The following KMT2C variants were observed in gnomAD, a reference collection of about 807,000 sequenced individuals.
KMT2C encodes lysine methyltransferase 2C, also known as histone-lysine N-methyltransferase 2C.
KMT2C carries 88 observed loss-of-function variants against 507.9 expected under a neutral mutation model. The observed-to-expected ratio is 0.17, with a 90% CI of 0.15 to 0.21. KMT2C has a LOEUF of 0.21. KMT2C is among the 10% of genes least tolerant of loss of function. The probability of loss-of-function intolerance (pLI) is 1.00; values close to 1 mark genes in which losing one functional copy is unlikely to be tolerated. For synonymous variants in KMT2C, 2,049 were observed against 2,080.8 expected (o/e 0.98, Z 0.42); for missense variants, 4,954 against 5,957.8 (o/e 0.83, Z 5.55).
intron 14 of KMT2C, among the ~76,000 whole-genome samples, chr7:152,245,506 G>C (rs2095458014): frequency 6.6e-6 from 1 of 151,964 alleles, no homozygotes; most frequent in Non-Finnish European, 1.5e-5. Flanking sequence ...TTTTTAAAGT[G>C]TAACTACTTG....
At chr7:152,327,875 G>A (rs913674501) in intron 3 of KMT2C, among the ~76,000 whole-genome samples, 1 of 149,410 alleles carries the variant, frequency 6.7e-6, no homozygotes, top group African/African-American at 2.5e-5. Context: ...GAAGAATGGC[G>A]TGAACCCAGG....
chr7:152,421,134 T>C (rs971847517), intron 1 of KMT2C, among the ~76,000 whole-genome samples: 3 of 151,680 alleles, frequency 2.0e-5, no homozygotes, highest in African/African-American at 7.3e-5. Flanking sequence ...AACAAGCATA[T>C]GAAAAAATGC....
chr7:152,386,953 T>C (rs1328389318), intron 1 of KMT2C, among the ~76,000 whole-genome samples: 1 of 152,184 alleles, frequency 6.6e-6, no homozygotes, highest in Non-Finnish European at 1.5e-5. Context: ...TTAGAGTAGA[T>C]ACATTTTATA....
intron 6 of KMT2C, among the ~76,000 whole-genome samples, chr7:152,298,554 C>T (rs1240095190): frequency 6.6e-6 from 1 of 151,998 alleles, no homozygotes; most frequent in African/African-American, 2.4e-5. Context: ...AAATATCTTT[C>T]AAAAATGAAG....
chr7:152,202,994 T>G lies in KMT2C; in HGVS notation c.4032A>C (p.Ile1344=), dbSNP rs376861986. The G allele has an allele frequency of 6.2e-7, 1 of 1,610,912 alleles. No individual in the cohort carries two copies. The highest frequency in any genetic ancestry group is 8.5e-7 in the Non-Finnish European group (1 of 1,177,748). The change falls in exon 26 of 59, where the codon ATA becomes ATC. Residue 1344 remains isoleucine, a synonymous_variant. Coordinates refer to ENST00000262189, the MANE Select transcript of KMT2C (RefSeq NM_170606.3). ...SVSVTESTEK[I]KKRYRKRKNK... is the part of the protein sequence containing the mutation. The stretch of plus-strand genomic sequence containing the variant: ...TTTTCCTTTTTCGGTATCTCTTCTT[T>G]ATTTTTTCAGTGCTTTCAGTAACAG...
chr7:152,203,393 T>A (rs2094203808), intron 25 of KMT2C, among the ~76,000 whole-genome samples: 1 of 152,004 alleles, frequency 6.6e-6, no homozygotes, highest in Non-Finnish European at 1.5e-5. Context: ...AAATGGCAAC[T>A]TATAAACTAT....
chr7:152,366,904 C>A, intron 1 of KMT2C: 1 of 426,130 alleles, frequency 2.3e-6, no homozygotes, highest in East Asian at 5.4e-5. Flanking sequence ...CGCGAGCTGG[C>A]GCTGCGAGCC....
At chr7:152,145,398 C>T (rs1587656753) in intron 53 of KMT2C, 103 bp from the exon 54 acceptor site, 2 of 1,123,802 alleles carry the variant, frequency 1.8e-6, no homozygotes, top group Non-Finnish European at 2.6e-6. Flanking sequence ...AACTCATCAG[C>T]GTTTTCCCCG....
At chr7:152,378,019 C>T (rs1423650932) in intron 1 of KMT2C, among the ~76,000 whole-genome samples, 1 of 152,118 alleles carries the variant, frequency 6.6e-6, no homozygotes, top group Non-Finnish European at 1.5e-5. Flanking sequence ...TTGCTGCAAT[C>T]TCATGATAAA....
At chr7:152,147,948 CA>C in intron 52 of KMT2C, 84 bp downstream of exon 52, 1 of 1,392,890 alleles carries the variant, frequency 7.2e-7, no homozygotes, top group Non-Finnish European at 9.6e-7. Context: ...TAACATGAGA[CA>C]AACATGGAAA....
At chr7:152,395,940 C>CT (rs2097535735) in intron 1 of KMT2C, among the ~76,000 whole-genome samples, 1 of 152,232 alleles carries the variant, frequency 6.6e-6, no homozygotes, top group African/African-American at 2.4e-5. Flanking sequence ...AGTGCTTCCT[C>CT]TTGTGCTGGC....
intron 1 of KMT2C, chr7:152,367,647 A>G: frequency 7.0e-7 from 1 of 1,426,770 alleles, no homozygotes; most frequent in Non-Finnish European, 9.9e-7. Flanking sequence ...CAAAGTTTTA[A>G]TCAAAGAAGG....
intron 20 of KMT2C, 107 bp from the exon 21 acceptor site, chr7:152,222,789 C>T (rs1563464885): frequency 1.1e-5 from 7 of 665,508 alleles, no homozygotes; most frequent in Non-Finnish European, 1.6e-5. Flanking sequence ...AGCCCTAAGC[C>T]TCACATGCTC....
intron 9 of KMT2C, among the ~76,000 whole-genome samples, chr7:152,261,154 A>C (rs1200365597): frequency 6.6e-6 from 1 of 152,298 alleles, no homozygotes; most frequent in Non-Finnish European, 1.5e-5. Context: ...ATGTGAAAAG[A>C]TAACCATTCA....
intron 1 of KMT2C, among the ~76,000 whole-genome samples, chr7:152,386,627 C>T (rs1284449366): frequency 5.9e-5 from 9 of 151,994 alleles, no homozygotes; most frequent in Non-Finnish European, 1.0e-4. Flanking sequence ...GCTTCTCACC[C>T]TCATTTGCCA....
At chr7:152,332,843 C>G (rs1044795635) in intron 2 of KMT2C, among the ~76,000 whole-genome samples, 2 of 127,752 alleles carry the variant, frequency 1.6e-5, no homozygotes, top group African/African-American at 3.1e-5. Flanking sequence ...AATGAAACTG[C>G]GTCTCAAAAC....
rs149118569 is a variant in KMT2C, at chr7:152,171,328, C to T, written c.9389G>A (p.Gly3130Asp). The change falls in exon 40 of 59, where the codon GGC (glycine) becomes GAC (aspartate). Residue 3130 changes from glycine (G) to aspartate (D), a missense_variant. This residue lies in a region of KMT2C where 1,689 missense variants were observed against 1,654.3 expected (regional missense o/e 1.02). Coordinates refer to ENST00000262189, the MANE Select transcript of KMT2C (RefSeq NM_170606.3). ...PMVMSRFPFM[G>D]QVVTGTQNSE... The stretch of plus-strand genomic sequence containing the variant: ...GTTCTGTGTTCCAGTTACCACCTGG[C>T]CCATAAAAGGGAACCTGTCAAAACA... 6.2e-7 allele frequency: 1 copy of T among 1,603,898 alleles called. No individual in the cohort carries two copies. The highest frequency in any genetic ancestry group is 8.5e-7 in the Non-Finnish European group (1 of 1,174,908).
intron 1 of KMT2C, among the ~76,000 whole-genome samples, chr7:152,409,892 GTTCT>G (rs1433468620): frequency 2.0e-5 from 3 of 151,648 alleles, no homozygotes; most frequent in Non-Finnish European, 4.4e-5. Context: ...GAATCACAGT[GTTCT>G]TTCAGAGACT....
At chr7:152,279,628 T>C (rs1452952992) in intron 6 of KMT2C, among the ~76,000 whole-genome samples, 1 of 152,256 alleles carries the variant, frequency 6.6e-6, no homozygotes, top group African/African-American at 2.4e-5. Context: ...ACTCTTGTTC[T>C]GGTCCAGGCT....
Sources: gnomAD v4.1 joint callset for allele counts (sites outside exome capture counted in the v4.1 genomes callset) on GRCh38, gnomAD v4.1.1 for gene constraint, gnomAD v4.1.1 regional missense constraint, MANE v1.5 for transcripts, NCBI Gene and HGNC (gene_info 2026-07-23, HGNC 2026-07-21) for gene names.